The following TLCD4 variants were observed in gnomAD, a reference collection of about 807,000 sequenced individuals.
The protein encoded by TLCD4 is TLC domain-containing protein 4.
In TLCD4, 7 loss-of-function variants were observed where a neutral mutation model predicts 24.2. The ratio of observed to expected loss-of-function variants is 0.29; its 90% CI spans 0.16 to 0.54. The LOEUF (loss-of-function observed/expected upper bound fraction) is 0.54, where lower values mean the gene tolerates loss of function less well. Ranked by LOEUF, TLCD4 falls within the 20% of genes least tolerant of loss-of-function variation. TLCD4 has a pLI of 0.95. For missense variants in TLCD4, 259 were observed against 313.9 expected, an observed-to-expected ratio of 0.82 and a Z score of 1.32; for synonymous variants, 103 against 106.4, an observed-to-expected ratio of 0.97 and a Z score of 0.20.
At chr1:95,161,243 T>C (rs905674063) in intron 5 of TLCD4, among the ~76,000 whole-genome samples, 7 of 152,188 alleles carry the variant, frequency 4.6e-5, no homozygotes, top group Non-Finnish European at 7.4e-5. Context: ...AGGGTGTATG[T>C]GTCCAGGAAT....
At chr1:95,187,933 G>A (rs142749775) in intron 6 of TLCD4, among the ~76,000 whole-genome samples, 110 of 152,206 alleles carry the variant, frequency 7.2e-4, no homozygotes, top group African/African-American at 2.0e-3. Context: ...CCTCTTCTCC[G>A]TGTGTGCATG....
chr1:95,106,064 T>A, the TLCD4 span, among the ~76,000 whole-genome samples: 1 of 152,082 alleles, frequency 6.6e-6, no homozygotes, highest in Non-Finnish European at 1.5e-5. Context: ...GCTTAGTGGA[T>A]CCTGTAGCCA....
chr1:95,127,096 A>G (rs547557959), intron 1 of TLCD4, among the ~76,000 whole-genome samples: 2 of 152,226 alleles, frequency 1.3e-5, no homozygotes, highest in South Asian at 2.1e-4. Flanking sequence ...ATTTTAAAGA[A>G]CCCGCAGGTC....
intron 1 of TLCD4, among the ~76,000 whole-genome samples, chr1:95,123,230 AAGACTAC>A (rs1676618318): frequency 6.6e-6 from 1 of 152,234 alleles, no homozygotes; most frequent in South Asian, 2.1e-4. Flanking sequence ...AGGACTTATA[AAGACTAC>A]AGCTTTGTTT....
intron 1 of TLCD4, among the ~76,000 whole-genome samples, chr1:95,142,734 G>A (rs1202848923): frequency 6.6e-6 from 1 of 152,010 alleles, no homozygotes; most frequent in African/African-American, 2.4e-5. Flanking sequence ...GGCAGATCAC[G>A]AGGTCAGGAG....
chr1:95,188,113 C>T (rs1013448058), intron 6 of TLCD4, among the ~76,000 whole-genome samples: 24 of 152,182 alleles, frequency 1.6e-4, no homozygotes, highest in African/African-American at 4.6e-4. Flanking sequence ...TTTAGCCGGG[C>T]GCGGTAGCTC....
At position 95,196,304 on chromosome 1, in the gene TLCD4, T is replaced by A. The variant is rs1679204240; in HGVS notation, c.*4436T>A. 2 of 152,196 alleles carry A rather than the reference T, an allele frequency of 1.3e-5. No homozygotes were observed. Among genetic ancestry groups the A allele is most frequent in the Non-Finnish European group, 2.9e-5 (2 of 68,030 alleles). The allele number at this position is 152,196 out of a possible 1,614,324, so 9.4% of individuals were successfully genotyped here. A position where few individuals can be genotyped will look rare whatever the true frequency, so the allele number is the denominator to read the frequency against. On this transcript the variant is annotated 3_prime_UTR_variant, in exon 7 of 7. Coordinates refer to ENST00000370203, the MANE Select transcript of TLCD4 (RefSeq NM_152487.3). ...GAGCACAGAGGAACTGAGATAACTC[T>A]GTGTTATGAGAGGGTGGATGCTGGC...
the TLCD4 span, among the ~76,000 whole-genome samples, chr1:95,105,251 C>T: frequency 6.6e-6 from 1 of 152,060 alleles, no homozygotes; most frequent in African/African-American, 2.4e-5. Flanking sequence ...ATTGTAAAGT[C>T]GAAAAATTGT....
At chr1:95,188,813 T>G (rs972182329) in intron 6 of TLCD4, among the ~76,000 whole-genome samples, 4 of 152,132 alleles carry the variant, frequency 2.6e-5, no homozygotes, top group African/African-American at 7.2e-5. Flanking sequence ...TTCCCAGCCC[T>G]CAAATCAGGT....
intron 1 of TLCD4, among the ~76,000 whole-genome samples, chr1:95,135,117 A>G (rs1251065491): frequency 6.6e-6 from 1 of 152,172 alleles, no homozygotes; most frequent in East Asian, 1.9e-4. Flanking sequence ...TATTTTTAAC[A>G]TATCTGATAG....
At chr1:95,183,280 T>TA (rs1678710783) in intron 6 of TLCD4, among the ~76,000 whole-genome samples, 1 of 152,224 alleles carries the variant, frequency 6.6e-6, no homozygotes, top group Non-Finnish European at 1.5e-5. Context: ...AATGAACGGA[T>TA]AAAAAATTAG....
the TLCD4 span, among the ~76,000 whole-genome samples, chr1:95,108,226 G>A: frequency 6.6e-6 from 1 of 151,890 alleles, no homozygotes; most frequent in Non-Finnish European, 1.5e-5. Flanking sequence ...TGCTATTATT[G>A]TTATTTTTGC....
In TLCD4 at chr1:95,197,123, A is replaced by G. The variant is rs1679228253; in HGVS notation, c.*5255A>G. On this transcript the variant is annotated 3_prime_UTR_variant, in exon 7 of 7. Coordinates refer to ENST00000370203, the MANE Select transcript of TLCD4 (RefSeq NM_152487.3). Reference sequence around the variant, plus strand: ...CAAAGATTTTTGGAAGTCTTTCAAAATATACTTAATACCATTTTGAGAACA... The same window carrying G: ...CAAAGATTTTTGGAAGTCTTTCAAAGTATACTTAATACCATTTTGAGAACA... The G allele has an allele frequency of 6.6e-6, 1 of 152,190 alleles. No individual in the cohort carries two copies. Among genetic ancestry groups the G allele is most frequent in the Non-Finnish European group, 1.5e-5 (1 of 68,018 alleles). The allele number at this position is 152,190 out of a possible 1,614,324, so 9.4% of individuals were successfully genotyped here.
chr1:95,182,714 C>A (rs1678689132), intron 6 of TLCD4, among the ~76,000 whole-genome samples: 1 of 151,964 alleles, frequency 6.6e-6, no homozygotes. Context: ...ATCTTGAAGA[C>A]CTCCCAAAAA....
At chr1:95,116,750 A>G (rs1676439232), upstream of TLCD4, among the ~76,000 whole-genome samples, 1 of 152,142 alleles carries the variant, frequency 6.6e-6, no homozygotes, top group South Asian at 2.1e-4. Context: ...TCCAACTTCC[A>G]CACCCCGACA....
intron 6 of TLCD4, among the ~76,000 whole-genome samples, chr1:95,190,557 G>C (rs1678991501): frequency 6.6e-6 from 1 of 152,056 alleles, no homozygotes; most frequent in South Asian, 2.1e-4. Flanking sequence ...TTGAACTCCT[G>C]ACCTGATGAT....
At chr1:95,159,963 G>T (rs888303371) in intron 5 of TLCD4, among the ~76,000 whole-genome samples, 9 of 152,240 alleles carry the variant, frequency 5.9e-5, no homozygotes, top group Non-Finnish European at 1.2e-4. Context: ...TTGTTCTTTT[G>T]GCTTAGGATT....
the TLCD4 span, among the ~76,000 whole-genome samples, chr1:95,103,385 G>A: frequency 3.3e-5 from 5 of 152,158 alleles, no homozygotes; most frequent in Non-Finnish European, 5.9e-5. Flanking sequence ...GATAGAGCTC[G>A]TAGAAGTTCT....
At chr1:95,121,513 C>T (rs1676568798) in intron 1 of TLCD4, among the ~76,000 whole-genome samples, 1 of 152,218 alleles carries the variant, frequency 6.6e-6, no homozygotes, top group Non-Finnish European at 1.5e-5. Flanking sequence ...CTTTGTCACC[C>T]AGGCTGGCGT....
Sources: allele counts gnomAD v4.1 joint callset (sites outside exome capture counted in the v4.1 genomes callset), GRCh38; gene constraint gnomAD v4.1.1; transcripts MANE v1.5; gene names NCBI Gene and HGNC (gene_info 2026-07-23, HGNC 2026-07-21).